The following ANKS1B variants were observed in gnomAD, a reference collection of about 807,000 sequenced individuals.
ANKS1B encodes ankyrin repeat and sterile alpha motif domain containing 1B.
Under a neutral mutation model 148.3 loss-of-function variants are expected in ANKS1B, and 36 were observed. The ratio of observed to expected loss-of-function variants is 0.24; its 90% confidence interval spans 0.19 to 0.32. The LOEUF is 0.32. ANKS1B is among the 10% of genes least tolerant of loss of function. The pLI is 1.00. For synonymous variants in ANKS1B, 542 were observed against 560.8 expected, an observed-to-expected ratio of 0.97 and a Z score of 0.47; for missense variants, 1,157 against 1,542.6, an observed-to-expected ratio of 0.75 and a Z score of 4.19.
intron 16 of ANKS1B, among the ~76,000 whole-genome samples, chr12:99,078,814 T>C (rs959191547): frequency 2.0e-5 from 3 of 150,988 alleles, no homozygotes; most frequent in African/African-American, 7.3e-5. Flanking sequence ...ACCTCTATTA[T>C]GTATGAACTG....
intron 19 of ANKS1B, among the ~76,000 whole-genome samples, chr12:98,816,365 G>C (rs960801255): frequency 3.3e-5 from 5 of 152,100 alleles, no homozygotes; most frequent in African/African-American, 7.2e-5. Context: ...GCACGATCTT[G>C]GCTCACTGCA....
At chr12:99,506,719 G>A (rs1419868294) in intron 9 of ANKS1B, among the ~76,000 whole-genome samples, 1 of 151,934 alleles carries the variant, frequency 6.6e-6, no homozygotes, top group African/African-American at 2.4e-5. Flanking sequence ...TATAAGTCAA[G>A]AAGGGCAAAT....
At chr12:99,778,624 T>G (rs892242553) in intron 6 of ANKS1B, among the ~76,000 whole-genome samples, 6 of 152,210 alleles carry the variant, frequency 3.9e-5, no homozygotes, top group African/African-American at 7.2e-5. Context: ...TTTTTAGCTT[T>G]TATTCAATTT....
intron 15 of ANKS1B, among the ~76,000 whole-genome samples, chr12:99,085,537 T>C (rs2051408926): frequency 6.6e-6 from 1 of 152,128 alleles, no homozygotes; most frequent in African/African-American, 2.4e-5. Context: ...TTGACATATA[T>C]TAGGCAGGTT....
chr12:99,021,258 T>A (rs1255792888), intron 17 of ANKS1B, among the ~76,000 whole-genome samples: 1 of 152,028 alleles, frequency 6.6e-6, no homozygotes, highest in Non-Finnish European at 1.5e-5. Context: ...TTGGGAGAGT[T>A]TTTTTTCTTA....
chr12:99,049,344 CAA>C (rs569193918), intron 17 of ANKS1B, among the ~76,000 whole-genome samples: 1 of 147,308 alleles, frequency 6.8e-6, no homozygotes, highest in Non-Finnish European at 1.5e-5. Flanking sequence ...TCACAGAATG[CAA>C]AAAAAAAATT....
At chr12:99,271,694 T>TATATATA (rs2077067425) in intron 12 of ANKS1B, among the ~76,000 whole-genome samples, 1 of 77,428 alleles carries the variant, frequency 1.3e-5, no homozygotes, top group African/African-American at 7.3e-5. Context: ...ATATATATAT[T>TATATATA]TACTAAATGT....
chr12:99,465,592 A>T (rs2096089282), intron 10 of ANKS1B, among the ~76,000 whole-genome samples: 1 of 152,148 alleles, frequency 6.6e-6, no homozygotes, highest in Non-Finnish European at 1.5e-5. Flanking sequence ...AAAAGGATGG[A>T]GGAAGATCTA....
At chr12:99,332,662 A>T (rs993269021) in intron 12 of ANKS1B, among the ~76,000 whole-genome samples, 1 of 149,236 alleles carries the variant, frequency 6.7e-6, no homozygotes, top group African/African-American at 2.5e-5. Flanking sequence ...GAAATGGAAA[A>T]GTTTTTATAG....
intron 10 of ANKS1B, among the ~76,000 whole-genome samples, chr12:99,454,611 C>T (rs965524387): frequency 6.6e-6 from 1 of 152,188 alleles, no homozygotes; most frequent in African/African-American, 2.4e-5. Context: ...TCTTTCTCAA[C>T]CCATGGCAGG....
chr12:99,030,034 G>A (rs1252841436), intron 17 of ANKS1B, among the ~76,000 whole-genome samples: 1 of 152,226 alleles, frequency 6.6e-6, no homozygotes, highest in Non-Finnish European at 1.5e-5. Flanking sequence ...GAACAGTCAC[G>A]AAACCATAAT....
At position 98,801,041 on chromosome 12, in the gene ANKS1B, G is replaced by A; in HGVS notation, c.3226C>T (p.His1076Tyr). 1.2e-6 allele frequency: 2 copies of A among 1,612,696 alleles called. No individual in the cohort carries two copies. The highest frequency in any genetic ancestry group is 1.1e-5 in the South Asian group (1 of 90,744). Reference protein sequence around the residue: ...ASTPVQYWQHHPEKLIFQSCD... With the variant: ...ASTPVQYWQHYPEKLIFQSCD... ...GACTGGAAGATAAGCTTTTCTGGGT[G>A]ATGCTGCCAGTACTGTACCGGGGTA... Residue 1076 changes from histidine (H) to tyrosine (Y), a missense_variant, in exon 21 of 27, where the codon CAC becomes TAC. Coordinates refer to ENST00000683438, the MANE Select transcript of ANKS1B (RefSeq NM_001352186.2). The surrounding 1 kb of genome is among the most constrained non-coding windows in gnomAD (Gnocchi z 5.2).
At chr12:98,737,800 T>C (rs1413488944) in intron 9 of ANKS1B, among the ~76,000 whole-genome samples, 1 of 152,242 alleles carries the variant, frequency 6.6e-6, no homozygotes, top group Non-Finnish European at 1.5e-5. Flanking sequence ...TACCAAATTA[T>C]ATAAAATGAA....
chr12:99,786,367 T>TA, intron 4 of ANKS1B, among the ~76,000 whole-genome samples: 1 of 152,234 alleles, frequency 6.6e-6, no homozygotes, highest in East Asian at 1.9e-4. Flanking sequence ...GCCTGGACTT[T>TA]AACCAGCCAC....
intron 1 of ANKS1B, among the ~76,000 whole-genome samples, chr12:99,852,801 G>A (rs2088176870): frequency 6.6e-6 from 1 of 152,224 alleles, no homozygotes; most frequent in African/African-American, 2.4e-5. Context: ...TCAGCTGGGA[G>A]GCTTGTAGCC....
In ANKS1B at chr12:99,242,963, C is replaced by T. The variant is rs545510242; in HGVS notation, c.2419+1379G>A. ...TCCTAGAAGAAAACCTAGGCAATAC[C>T]ATTCAGGACATAGGCATGGGCAAAG... On this transcript the variant is annotated intron_variant, in intron 14 of 26. Transcript: ENST00000683438. Among the ~76,000 whole-genome samples the T allele has an allele frequency of 3.3e-5, 5 of 152,262 alleles. No homozygotes were observed. The East Asian group carries it at 9.6e-4, about 29-fold the overall frequency.
chr12:98,859,722 AG>A (rs1328297234), intron 17 of ANKS1B, among the ~76,000 whole-genome samples: 3 of 152,236 alleles, frequency 2.0e-5, no homozygotes, highest in Non-Finnish European at 4.4e-5. Context: ...GAGATATAAA[AG>A]TATAGGTTTG....
intron 8 of ANKS1B, among the ~76,000 whole-genome samples, chr12:99,661,722 CCTT>C (rs1248503360): frequency 1.3e-5 from 2 of 152,182 alleles, no homozygotes; most frequent in African/African-American, 4.8e-5. Flanking sequence ...TTTAGTAACA[CCTT>C]CTTTTATTCT....
chr12:99,276,535 C>G (rs897104715), intron 12 of ANKS1B, among the ~76,000 whole-genome samples: 1 of 152,274 alleles, frequency 6.6e-6, no homozygotes, highest in South Asian at 2.1e-4. Flanking sequence ...GGGTGAGCAT[C>G]TCTCTCACCT....
Sources: gnomAD v4.1 joint callset for allele counts (sites outside exome capture counted in the v4.1 genomes callset) on GRCh38, gnomAD v4.1.1 for gene constraint, Gnocchi (gnomAD v3.1) non-coding constraint, MANE v1.5 for transcripts, NCBI Gene and HGNC (gene_info 2026-07-23, HGNC 2026-07-21) for gene names.